NCKAP5: variants seen among roughly 807,000 people sequenced by gnomAD.
NCKAP5 encodes NCK associated protein 5.
Under a neutral mutation model 167.0 loss-of-function variants are expected in NCKAP5, and 92 were observed. The observed-to-expected ratio is 0.55, with a 90% CI of 0.47 to 0.66. NCKAP5 has a LOEUF of 0.66. Among genes scored for constraint, NCKAP5 ranks in the 30% least tolerant of loss-of-function variants. The pLI is 0.00. For missense variants in NCKAP5, 2,378 were observed against 2,315.0 expected, an observed-to-expected ratio of 1.03 and a Z score of -0.56; for synonymous variants, 891 against 877.4, an observed-to-expected ratio of 1.02 and a Z score of -0.27.
intron 3 of NCKAP5, among the ~76,000 whole-genome samples, chr2:133,467,742 A>G (rs2151265219): frequency 6.9e-6 from 1 of 145,584 alleles, no homozygotes; most frequent in South Asian, 2.2e-4. Flanking sequence ...GTCTTGGGAG[A>G]GTGTATGTGT....
intron 3 of NCKAP5, among the ~76,000 whole-genome samples, chr2:133,491,222 G>A (rs1346002605): frequency 6.6e-6 from 1 of 152,194 alleles, no homozygotes; most frequent in Non-Finnish European, 1.5e-5. Flanking sequence ...TCTTGAGCTT[G>A]CCACCTTGTG....
intron 19 of NCKAP5, among the ~76,000 whole-genome samples, chr2:132,698,731 G>A (rs1429241021): frequency 6.6e-6 from 1 of 152,140 alleles, no homozygotes; most frequent in African/African-American, 2.4e-5. Flanking sequence ...CTACTCAGGA[G>A]GCTGAGGCAG....
At chr2:133,006,920 G>A (rs2077989049) in intron 6 of NCKAP5, among the ~76,000 whole-genome samples, 1 of 152,156 alleles carries the variant, frequency 6.6e-6, no homozygotes, top group South Asian at 2.1e-4. Context: ...ATTCTTCACT[G>A]GGCCTGCTAT....
Position 133,522,297 on chromosome 2 carries a change from GC to G in NCKAP5, c.-61-4711del, listed in dbSNP as rs1360950184. Among the ~76,000 whole-genome samples, 4 of 152,102 alleles carry G rather than the reference GC, an allele frequency of 2.6e-5. No individual in the cohort carries two copies. In the East Asian group the frequency reaches 7.7e-4, roughly 29 times the overall value. On this transcript the variant is annotated intron_variant, in intron 2 of 19. Coordinates refer to ENST00000409261, the MANE Select transcript of NCKAP5 (RefSeq NM_207363.3). ...CCACCTTATCCCTCTGGCTCCTCCA[GC>G]CCTTTCAACACCATCATAAAAATTC...
intron 4 of NCKAP5, among the ~76,000 whole-genome samples, chr2:133,259,272 T>G (rs903892852): frequency 2.6e-5 from 4 of 152,234 alleles, no homozygotes; most frequent in African/African-American, 9.6e-5. Context: ...CAGCTCCACA[T>G]TAAGTGTTTT....
chr2:133,307,055 A>G (rs1266728816), intron 3 of NCKAP5, among the ~76,000 whole-genome samples: 2 of 152,206 alleles, frequency 1.3e-5, no homozygotes, highest in African/African-American at 2.4e-5. Flanking sequence ...TGCTTTGTTC[A>G]GCATGCAACT....
At chr2:132,711,291 G>A (rs935258147) in intron 19 of NCKAP5, among the ~76,000 whole-genome samples, 5 of 152,160 alleles carry the variant, frequency 3.3e-5, no homozygotes, top group Non-Finnish European at 5.9e-5. Context: ...CCAGGCTTTG[G>A]TCACTGCATC....
intron 6 of NCKAP5, among the ~76,000 whole-genome samples, chr2:133,069,577 G>T (rs2080317734): frequency 6.6e-6 from 1 of 152,166 alleles, no homozygotes; most frequent in South Asian, 2.1e-4. Context: ...GACAGATGCT[G>T]AAGTTTTATT....
At chr2:133,248,919 CAGTT>C (rs1377819520) in intron 4 of NCKAP5, among the ~76,000 whole-genome samples, 1 of 152,202 alleles carries the variant, frequency 6.6e-6, no homozygotes, top group Non-Finnish European at 1.5e-5. Flanking sequence ...CCTCACTACT[CAGTT>C]TTAAATTGGC....
chr2:133,152,786 T>C (rs2083429371), intron 5 of NCKAP5, among the ~76,000 whole-genome samples: 1 of 152,220 alleles, frequency 6.6e-6, no homozygotes, highest in African/African-American at 2.4e-5. Flanking sequence ...CATGAGATTA[T>C]AGTACTGTAA....
At chr2:132,721,515 C>T (rs1251325794) in intron 19 of NCKAP5, among the ~76,000 whole-genome samples, 1 of 152,088 alleles carries the variant, frequency 6.6e-6, no homozygotes, top group African/African-American at 2.4e-5. Flanking sequence ...TTCACAGGCA[C>T]GTGCGACGAA....
chr2:133,299,881 G>A (rs542274613), intron 4 of NCKAP5, among the ~76,000 whole-genome samples: 5 of 150,012 alleles, frequency 3.3e-5, no homozygotes, highest in South Asian at 2.1e-4. Context: ...TTCATAGACC[G>A]CTAGCAAGAC....
intron 5 of NCKAP5, among the ~76,000 whole-genome samples, chr2:133,185,914 G>T (rs2084927500): frequency 6.6e-6 from 1 of 151,870 alleles, no homozygotes; most frequent in Non-Finnish European, 1.5e-5. Context: ...AAGAGAGATA[G>T]TTTGACTTCT....
intron 1 of NCKAP5, among the ~76,000 whole-genome samples, chr2:133,559,513 G>A (rs1688010025): frequency 6.6e-6 from 1 of 152,036 alleles, no homozygotes; most frequent in Admixed American, 6.6e-5. Context: ...TTTAGAGATG[G>A]GGTCTTGTTA....
chr2:132,849,673 C>A (rs1232911153), intron 11 of NCKAP5, among the ~76,000 whole-genome samples: 2 of 152,078 alleles, frequency 1.3e-5, no homozygotes, highest in Non-Finnish European at 2.9e-5. Context: ...AAGAATGGCC[C>A]GAGGTCACCT....
chr2:133,548,352 T>C (rs376756105), intron 2 of NCKAP5, among the ~76,000 whole-genome samples: 7 of 152,116 alleles, frequency 4.6e-5, no homozygotes, highest in Non-Finnish European at 7.4e-5. Context: ...GGCAGGCCAA[T>C]GTTCAGATTC....
chr2:133,207,039 T>C (rs1359845127), intron 5 of NCKAP5, among the ~76,000 whole-genome samples: 1 of 152,146 alleles, frequency 6.6e-6, no homozygotes, highest in Admixed American at 6.5e-5. Flanking sequence ...CAGCAGGACA[T>C]AGACGCTCAT....
At chr2:132,849,287 T>C (rs1688905276) in intron 11 of NCKAP5, among the ~76,000 whole-genome samples, 1 of 152,128 alleles carries the variant, frequency 6.6e-6, no homozygotes, top group Admixed American at 6.5e-5. Context: ...GATAGCTTAA[T>C]CCAGGGCATT....
chr2:132,913,607 T>C (rs766518438), intron 8 of NCKAP5, among the ~76,000 whole-genome samples: 3 of 152,180 alleles, frequency 2.0e-5, no homozygotes, highest in Non-Finnish European at 4.4e-5. Context: ...CTTAGCATTA[T>C]AGATGTAAAT....
Sources: allele counts gnomAD v4.1 joint callset (sites outside exome capture counted in the v4.1 genomes callset), GRCh38; gene constraint gnomAD v4.1.1; transcripts MANE v1.5; gene names NCBI Gene and HGNC (gene_info 2026-07-23, HGNC 2026-07-21).